The following CNTNAP5 variants were observed in gnomAD, a reference collection of about 807,000 sequenced individuals.
The protein encoded by CNTNAP5 is contactin-associated protein-like 5.
CNTNAP5 carries 72 observed loss-of-function variants against 150.2 expected under a neutral mutation model. That is an observed-to-expected ratio of 0.48 (90% confidence interval 0.40 to 0.58). CNTNAP5 has a LOEUF of 0.58. Ranked by LOEUF, CNTNAP5 falls within the 20% of genes least tolerant of loss-of-function variation. The probability of loss-of-function intolerance (pLI) is 0.00; values close to 1 mark genes in which losing one functional copy is unlikely to be tolerated. For missense variants in CNTNAP5, 1,636 were observed against 1,626.2 expected (o/e 1.01, Z -0.10); for synonymous variants, 672 against 619.8 (o/e 1.08, Z -1.25).
At chr2:124,721,185 A>G (rs1375031009) in intron 13 of CNTNAP5, among the ~76,000 whole-genome samples, 1 of 152,192 alleles carries the variant, frequency 6.6e-6, no homozygotes, top group Non-Finnish European at 1.5e-5. Flanking sequence ...TTTATTTACA[A>G]GAATTAAATG....
At chr2:124,789,333 T>G (rs1159233448) in intron 17 of CNTNAP5, among the ~76,000 whole-genome samples, 1 of 152,218 alleles carries the variant, frequency 6.6e-6, no homozygotes, top group Non-Finnish European at 1.5e-5. Flanking sequence ...TCTTTCACTT[T>G]TTTTGTATGT....
At chr2:124,407,136 C>T (rs1691592027) in intron 3 of CNTNAP5, among the ~76,000 whole-genome samples, 1 of 152,084 alleles carries the variant, frequency 6.6e-6, no homozygotes, top group Non-Finnish European at 1.5e-5. Flanking sequence ...GTAAGTAGTG[C>T]TGTGATAAAC....
intron 11 of CNTNAP5, among the ~76,000 whole-genome samples, chr2:124,598,818 C>T (rs534684012): frequency 9.6e-4 from 146 of 152,304 alleles, no homozygotes; most frequent in African/African-American, 2.9e-3. Context: ...TAGGACCCTC[C>T]GAGCCAGGTG....
At chr2:124,588,789 A>G (rs937702706) in intron 11 of CNTNAP5, among the ~76,000 whole-genome samples, 3 of 152,086 alleles carry the variant, frequency 2.0e-5, no homozygotes, top group African/African-American at 4.8e-5. Flanking sequence ...GGTTTTTAAG[A>G]AGAAAATGAA....
intron 3 of CNTNAP5, among the ~76,000 whole-genome samples, chr2:124,361,593 T>G (rs1238786769): frequency 3.5e-5 from 5 of 141,972 alleles, no homozygotes; most frequent in Non-Finnish European, 7.7e-5. Context: ...GTGCCCCTGC[T>G]GGGGGATGCC....
intron 1 of CNTNAP5, among the ~76,000 whole-genome samples, chr2:124,186,136 A>C (rs979999908): frequency 6.6e-5 from 10 of 152,186 alleles, no homozygotes; most frequent in African/African-American, 9.7e-5. Context: ...TGAAATTTTA[A>C]CAAGGTCCCC....
At chr2:124,378,943 C>T (rs986279775) in intron 3 of CNTNAP5, among the ~76,000 whole-genome samples, 2 of 151,974 alleles carry the variant, frequency 1.3e-5, no homozygotes, top group African/African-American at 4.8e-5. Flanking sequence ...TCTCCAATGC[C>T]CTATGAAATA....
intron 3 of CNTNAP5, among the ~76,000 whole-genome samples, chr2:124,314,785 G>T (rs1688922940): frequency 6.6e-6 from 1 of 151,976 alleles, no homozygotes; most frequent in African/African-American, 2.4e-5. Context: ...ATCCACTCCT[G>T]CATATCCTAC....
At position 124,262,937 on chromosome 2, in the gene CNTNAP5, A is replaced by G. The variant is rs192155528; in HGVS notation, c.381+20544A>G. On this transcript the variant is annotated intron_variant, in intron 3 of 23. Transcript: ENST00000682447. ...TCCTTGTGATAGTTTGCTGAGAATGATGGTTTCCAGCTTCATCCATGTCCC... is the reference window on the plus strand; with the variant it reads ...TCCTTGTGATAGTTTGCTGAGAATGGTGGTTTCCAGCTTCATCCATGTCCC... 2.9e-3 allele frequency among the ~76,000 whole-genome samples: 434 copies of G among 151,844 alleles called. 1 individual carries two copies. Among genetic ancestry groups the G allele is most frequent in the African/African-American group, 0.01 (419 of 41,384 alleles).
At chr2:124,365,148 AAAAAT>A (rs1277167788) in intron 3 of CNTNAP5, among the ~76,000 whole-genome samples, 2 of 152,102 alleles carry the variant, frequency 1.3e-5, no homozygotes, top group Non-Finnish European at 1.5e-5. Context: ...TCATCTCTAC[AAAAAT>A]AAAATGAAAT....
intron 3 of CNTNAP5, among the ~76,000 whole-genome samples, chr2:124,302,810 G>A (rs11123034): frequency 0.53 from 80,233 of 152,010 alleles, 21,506 homozygotes; most frequent in Non-Finnish European, 0.58. Context: ...TAAGCTGAGT[G>A]TGTTGCAAAG....
chr2:124,282,640 A>G (rs1196457057), intron 3 of CNTNAP5, among the ~76,000 whole-genome samples: 1 of 151,318 alleles, frequency 6.6e-6, no homozygotes. Context: ...TTTTGCATGA[A>G]TGTTTCCAAG....
At chr2:124,796,690 A>C (rs1681853191) in intron 18 of CNTNAP5, among the ~76,000 whole-genome samples, 1 of 152,256 alleles carries the variant, frequency 6.6e-6, no homozygotes, top group Non-Finnish European at 1.5e-5. Context: ...AGAAAAAGCC[A>C]GGTATTATTA....
At chr2:124,653,293 T>G (rs1204171102) in intron 13 of CNTNAP5, among the ~76,000 whole-genome samples, 5 of 152,112 alleles carry the variant, frequency 3.3e-5, no homozygotes, top group Non-Finnish European at 4.4e-5. Context: ...CTTTAATTAC[T>G]GATACTTTAG....
chr2:124,361,839 A>G (rs550831335), intron 3 of CNTNAP5, among the ~76,000 whole-genome samples: 6 of 152,244 alleles, frequency 3.9e-5, no homozygotes, highest in Admixed American at 1.3e-4. Context: ...AGCTCCACCC[A>G]GTTCGAGCTT....
At chr2:124,282,814 G>A (rs1358771559) in intron 3 of CNTNAP5, among the ~76,000 whole-genome samples, 1 of 152,102 alleles carries the variant, frequency 6.6e-6, no homozygotes, top group Non-Finnish European at 1.5e-5. Flanking sequence ...CAGAGGGTCT[G>A]AGATTCAGAC....
chr2:124,766,923 A>G (rs898666646), intron 16 of CNTNAP5, among the ~76,000 whole-genome samples: 1 of 152,206 alleles, frequency 6.6e-6, no homozygotes, highest in African/African-American at 2.4e-5. Context: ...TATACTCTCC[A>G]AGACAAGATT....
chr2:124,468,878 C>T (rs139376081), intron 6 of CNTNAP5, among the ~76,000 whole-genome samples: 71 of 152,330 alleles, frequency 4.7e-4, no homozygotes, highest in African/African-American at 1.5e-3. Flanking sequence ...AGCCTTTCTG[C>T]GTTGCCTCTT....
At chr2:124,391,940 AGC>A (rs1439087647) in intron 3 of CNTNAP5, among the ~76,000 whole-genome samples, 7 of 122,914 alleles carry the variant, frequency 5.7e-5, no homozygotes, top group African/African-American at 2.4e-4. Flanking sequence ...TGGGTGACAG[AGC>A]GAGACTCCGT....
Sources: allele counts gnomAD v4.1 joint callset (sites outside exome capture counted in the v4.1 genomes callset), GRCh38; gene constraint gnomAD v4.1.1; transcripts MANE v1.5; gene names NCBI Gene and HGNC (gene_info 2026-07-23, HGNC 2026-07-21).